Variants in EMX1 observed in about 807,000 individuals in gnomAD.
The protein encoded by EMX1 is homeobox protein EMX1.
Under a neutral mutation model 20.1 loss-of-function variants are expected in EMX1, and 10 were observed. That is an observed-to-expected ratio of 0.50 (90% CI 0.31 to 0.84). The LOEUF (loss-of-function observed/expected upper bound fraction) is 0.84. Ranked by LOEUF, EMX1 falls within the 40% of genes least tolerant of loss-of-function variation. The pLI is 0.05. For missense variants in EMX1, 424 were observed against 431.9 expected, an observed-to-expected ratio of 0.98 and a Z score of 0.16; for synonymous variants, 250 against 200.4, an observed-to-expected ratio of 1.25 and a Z score of -2.09.
At chr2:72,918,632 G>A (rs191091202) in intron 1 of EMX1, among the ~76,000 whole-genome samples, 87 of 152,374 alleles carry the variant, frequency 5.7e-4, no homozygotes, top group Non-Finnish European at 1.0e-3. Context: ...AAGCCCAGGC[G>A]CGTCCTCGGA....
chr2:72,925,648 G>A, intron 2 of EMX1: 2 of 1,171,132 alleles, frequency 1.7e-6, no homozygotes, highest in Middle Eastern at 3.8e-4. Context: ...CAAGTCCCGG[G>A]CAGTGAGAAG....
chr2:72,934,092 G>T lies in EMX1; in HGVS notation c.*138G>T. 1 of 1,203,388 alleles carries T rather than the reference G, an allele frequency of 8.3e-7. No homozygotes were observed. 74.5% of individuals were successfully genotyped at this position (1,203,388 alleles called of 1,614,324 possible). A position where few individuals can be genotyped will look rare whatever the true frequency, so the allele number is the denominator to read the frequency against. ...GAGTCATGGCCCCACAGGGCTTGAAGCCCGGGGCCGCCATTGACAGAGGGA... is the reference window on the plus strand; with the variant it reads ...GAGTCATGGCCCCACAGGGCTTGAATCCCGGGGCCGCCATTGACAGAGGGA... On this transcript the variant is annotated 3_prime_UTR_variant, in exon 3 of 3. Transcript: ENST00000258106.
At chr2:72,916,500 A>T, upstream of EMX1, 1 of 592,826 alleles carries the variant, frequency 1.7e-6, no homozygotes, top group Admixed American at 3.0e-5. Flanking sequence ...GTGGGGTGGG[A>T]AAGTTTGGGG....
In EMX1 at chr2:72,918,066, G is replaced by A; in HGVS notation, c.214G>A (p.Ala72Thr). Residue 72 changes from alanine to threonine, a missense_variant, in exon 1 of 3, where the codon GCC becomes ACC. By Grantham distance (58) the Ala-to-Thr change is moderately conservative. Transcript: ENST00000258106. ...GGAGSHLLAA[A>T]ASEEPLRPTA... ...CGCGGGCTCCCATCTCCTGGCGGCG[G>A]CCGCCTCCGAGGAACCGCTCCGGCC... 1.4e-6 allele frequency: 2 copies of A among 1,416,962 alleles called. No individual in the cohort carries two copies. Among genetic ancestry groups the A allele is most frequent in the South Asian group, 1.5e-5 (1 of 66,476 alleles). 87.8% of individuals were successfully genotyped at this position (1,416,962 alleles called of 1,614,324 possible).
At chr2:72,922,633 G>A (rs903175245) in intron 1 of EMX1, among the ~76,000 whole-genome samples, 2 of 152,226 alleles carry the variant, frequency 1.3e-5, no homozygotes, top group Non-Finnish European at 2.9e-5. Context: ...TAGCAACTCT[G>A]TTCCACAGAA....
chr2:72,931,636 T>G (rs548534015), intron 2 of EMX1, among the ~76,000 whole-genome samples: 1 of 152,020 alleles, frequency 6.6e-6, no homozygotes, highest in South Asian at 2.1e-4. Context: ...GGGCTTGGAG[T>G]CCAGCAGCCT....
In EMX1 at chr2:72,933,655, C is replaced by G. The variant is rs1573901627; in HGVS notation, c.706-132C>G. The G allele has an allele frequency of 4.9e-6, 6 of 1,227,522 alleles. No homozygotes were observed. The South Asian group carries it at 9.5e-5, about 19-fold the overall frequency. The allele number at this position is 1,227,522 out of a possible 1,614,324, so 76.0% of individuals were successfully genotyped here. A position where few individuals can be genotyped will look rare whatever the true frequency, so the allele number is the denominator to read the frequency against. On this transcript the variant is annotated intron_variant, in intron 2 of 2. Transcript: ENST00000258106. ...AGCAGCTGGTCAGAGGGGACCCCGG[C>G]CTGGGGCCCCTAACCCTATGTAGCC...
At chr2:72,920,585 T>A (rs867994044) in intron 1 of EMX1, among the ~76,000 whole-genome samples, 1 of 152,016 alleles carries the variant, frequency 6.6e-6, no homozygotes, top group Non-Finnish European at 1.5e-5. Flanking sequence ...GAGAACCGGG[T>A]CTCAGCGATG....
intron 2 of EMX1, among the ~76,000 whole-genome samples, chr2:72,927,751 T>G (rs1408781286): frequency 6.6e-6 from 1 of 152,224 alleles, no homozygotes; most frequent in African/African-American, 2.4e-5. Context: ...GCCTGTCTGT[T>G]TCTTACAGGA....
At chr2:72,925,810 G>A (rs1671191472) in intron 2 of EMX1, 2 of 985,252 alleles carry the variant, frequency 2.0e-6, no homozygotes, top group Non-Finnish European at 2.4e-6. Flanking sequence ...ATCTATTGTC[G>A]TCATATCTGT....
At chr2:72,932,291 C>A (rs1466084241) in intron 2 of EMX1, among the ~76,000 whole-genome samples, 1 of 152,234 alleles carries the variant, frequency 6.6e-6, no homozygotes, top group Admixed American at 6.5e-5. Context: ...GGCCTTGTAG[C>A]CTGCCCTCTG....
rs1419393718 is a variant in EMX1 at position 72,917,801 on chromosome 2, G to A, written c.-52G>A. On this transcript the variant is annotated 5_prime_UTR_variant, in exon 1 of 3. Transcript: ENST00000258106. ...GCTCCGCGCCTGGCTCGCCCGCGGGGGCCGAGCGCGAGCGGGCGGGCGGGG... is the reference window on the plus strand; with the variant it reads ...GCTCCGCGCCTGGCTCGCCCGCGGGAGCCGAGCGCGAGCGGGCGGGCGGGG... 3 of 1,269,016 alleles carry A rather than the reference G, an allele frequency of 2.4e-6. No individual in the cohort carries two copies. Among genetic ancestry groups the A allele is most frequent in the Non-Finnish European group, 3.0e-6 (3 of 1,009,790 alleles). The allele number at this position is 1,269,016 out of a possible 1,614,324, so 78.6% of individuals were successfully genotyped here.
upstream of EMX1, chr2:72,917,344 G>A (rs972534612): frequency 7.9e-6 from 3 of 380,672 alleles, no homozygotes; most frequent in Admixed American, 4.2e-5. Flanking sequence ...GCGAGGAGAA[G>A]CCAGTGGCGA....
At position 72,924,457 on chromosome 2, in the gene EMX1, G is replaced by C; in HGVS notation, c.669G>C (p.Lys223Asn). 6.3e-7 allele frequency: 1 copy of C among 1,596,026 alleles called. No homozygotes were observed. The highest frequency in any genetic ancestry group is 8.5e-7 in the Non-Finnish European group (1 of 1,175,962). Residue 223 changes from lysine to asparagine, a missense_variant, in exon 2 of 3, where the codon AAG (lysine) becomes AAC (asparagine). Transcript: ENST00000258106. ...ACTACGTGGTGGGCGCCGAGCGGAA[G>C]CAGCTGGCCGGCAGTCTCAGCCTCT... The part of the protein sequence containing the change: ...KNHYVVGAER[K>N]QLAGSLSLSE...
chr2:72,927,256 A>T (rs1255377371), intron 2 of EMX1, among the ~76,000 whole-genome samples: 1 of 152,222 alleles, frequency 6.6e-6, no homozygotes, highest in African/African-American at 2.4e-5. Context: ...TCATCTCCAT[A>T]GAGCTATTTC....
intron 2 of EMX1, chr2:72,925,483 C>A (rs1402204685): frequency 7.8e-7 from 1 of 1,288,982 alleles, no homozygotes; most frequent in African/African-American, 1.5e-5. Context: ...AGCCTAGCTG[C>A]TGCCCTGGAG....
intron 1 of EMX1, among the ~76,000 whole-genome samples, chr2:72,922,076 A>T (rs1244627022): frequency 6.6e-6 from 1 of 152,122 alleles, no homozygotes; most frequent in African/African-American, 2.4e-5. Flanking sequence ...GGGGCTTTCC[A>T]CACTGCAGCC....
chr2:72,931,412 T>C (rs1671284236), intron 2 of EMX1, among the ~76,000 whole-genome samples: 1 of 152,168 alleles, frequency 6.6e-6, no homozygotes, highest in African/African-American at 2.4e-5. Flanking sequence ...CACCTGACAG[T>C]CACCTTCGGC....
chr2:72,932,498 A>G (rs1671301346), intron 2 of EMX1, among the ~76,000 whole-genome samples: 1 of 152,228 alleles, frequency 6.6e-6, no homozygotes, highest in Non-Finnish European at 1.5e-5. Flanking sequence ...TGCAAAGCCA[A>G]GTAAAGAACC....
Sources: gnomAD v4.1 joint callset for allele counts (sites outside exome capture counted in the v4.1 genomes callset) on GRCh38, gnomAD v4.1.1 for gene constraint, MANE v1.5 for transcripts, NCBI Gene and HGNC (gene_info 2026-07-23, HGNC 2026-07-21) for gene names.